Variants in NUP98 observed in about 807,000 individuals in gnomAD.
NUP98 encodes the protein nucleoporin 98 and 96 precursor, also known as nuclear pore complex protein Nup98-Nup96.
In NUP98, 26 loss-of-function variants were observed where a neutral mutation model predicts 191.9. The observed-to-expected ratio is 0.14, with a 90% confidence interval of 0.10 to 0.19. The LOEUF is 0.19. Ranked by LOEUF, NUP98 falls within the 10% of genes least tolerant of loss-of-function variation. NUP98 has a pLI of 1.00. For missense variants in NUP98, 1,941 were observed against 2,178.8 expected (o/e 0.89, Z 2.17); for synonymous variants, 808 against 778.4 (o/e 1.04, Z -0.63).
intron 1 of NUP98, among the ~76,000 whole-genome samples, chr11:3,794,555 G>T (rs777972952): frequency 1.3e-5 from 2 of 151,940 alleles, no homozygotes; most frequent in African/African-American, 4.8e-5. Flanking sequence ...TCAAACTCCT[G>T]AGCTCAGGCA....
chr11:3,793,776 G>C (rs1453129503), intron 1 of NUP98, among the ~76,000 whole-genome samples: 2 of 151,980 alleles, frequency 1.3e-5, no homozygotes, highest in South Asian at 2.1e-4. Flanking sequence ...TTCCAGATCA[G>C]CCTGGCCAAC....
intron 1 of NUP98, among the ~76,000 whole-genome samples, chr11:3,783,467 G>T (rs1266139833): frequency 1.3e-5 from 2 of 151,870 alleles, no homozygotes; most frequent in Admixed American, 6.6e-5. Flanking sequence ...GGGAGGCCAA[G>T]GCGGGTGGAT....
intron 28 of NUP98, 65 bp downstream of exon 28, chr11:3,691,282 C>A: frequency 6.3e-7 from 1 of 1,585,870 alleles, no homozygotes; most frequent in South Asian, 1.1e-5. Flanking sequence ...GGAAAGGACG[C>A]AGCAAAGGAC....
intron 2 of NUP98, 131 bp downstream of exon 2, chr11:3,781,907 ATTAT>A: frequency 1.9e-6 from 1 of 532,922 alleles, no homozygotes; most frequent in South Asian, 3.3e-5. Flanking sequence ...TCTTATCCTA[ATTAT>A]TTTTTCAAGA....
chr11:3,694,611 G>T lies in NUP98; in HGVS notation c.4167+838C>A, dbSNP rs373160483. ...AAAAATTAGCCCAGCGTGGTGGCAGGTGCCTGTAGTCTCAGCTACTCAGGA... is the reference window on the plus strand; with the variant it reads ...AAAAATTAGCCCAGCGTGGTGGCAGTTGCCTGTAGTCTCAGCTACTCAGGA... On this transcript the variant is annotated intron_variant, in intron 26 of 32. Transcript: ENST00000324932. 9.2e-5 allele frequency among the ~76,000 whole-genome samples: 14 copies of T among 152,084 alleles called. No individual in the cohort carries two copies. In the South Asian group the frequency reaches 1.7e-3, roughly 18 times the overall value.
At chr11:3,773,180 TCGC>T (rs2081588798) in intron 6 of NUP98, among the ~76,000 whole-genome samples, 1 of 151,814 alleles carries the variant, frequency 6.6e-6, no homozygotes, top group South Asian at 2.1e-4. Flanking sequence ...GGAAGAAAAA[TCGC>T]TTGAGCTCAG....
At chr11:3,740,238 C>T (rs909386892) in intron 12 of NUP98, among the ~76,000 whole-genome samples, 34 of 152,184 alleles carry the variant, frequency 2.2e-4, no homozygotes, top group African/African-American at 6.7e-4. Context: ...AAGCCAGGCG[C>T]GGTGGCTCAC....
intron 2 of NUP98, 50 bp from the exon 3 acceptor site, chr11:3,779,307 T>A: frequency 7.3e-7 from 1 of 1,361,650 alleles, no homozygotes; most frequent in Non-Finnish European, 1.1e-6. Context: ...AAAATCTACG[T>A]AAGATGACCA....
At chr11:3,714,205 C>T (rs1380512362) in intron 18 of NUP98, among the ~76,000 whole-genome samples, 5 of 152,164 alleles carry the variant, frequency 3.3e-5, no homozygotes, top group African/African-American at 9.7e-5. Context: ...GTTCTAGAGT[C>T]AGACTGCATT....
intron 18 of NUP98, among the ~76,000 whole-genome samples, chr11:3,717,456 CTATA>C (rs1056658284): frequency 5.3e-5 from 8 of 152,112 alleles, no homozygotes; most frequent in Non-Finnish European, 7.4e-5. Context: ...TTTGATGCTA[CTATA>C]TATATGAAAT....
At chr11:3,771,248 T>A (rs910210505) in intron 7 of NUP98, among the ~76,000 whole-genome samples, 7 of 152,214 alleles carry the variant, frequency 4.6e-5, no homozygotes, top group African/African-American at 1.7e-4. Context: ...TACAATCTAC[T>A]GTCAATATAG....
intron 28 of NUP98, among the ~76,000 whole-genome samples, chr11:3,686,699 T>C (rs1260637889): frequency 6.6e-6 from 1 of 152,140 alleles, no homozygotes; most frequent in Non-Finnish European, 1.5e-5. Flanking sequence ...AGAAAATAAA[T>C]AGAGCAAGGC....
chr11:3,772,754 T>G (rs560503078), intron 6 of NUP98, among the ~76,000 whole-genome samples: 24 of 149,724 alleles, frequency 1.6e-4, no homozygotes, highest in Non-Finnish European at 3.1e-4. Context: ...GCAGAGATTG[T>G]AGTGAGCTGA....
chr11:3,743,868 A>G (rs1477735780), intron 12 of NUP98, among the ~76,000 whole-genome samples: 1 of 151,414 alleles, frequency 6.6e-6, no homozygotes, highest in Non-Finnish European at 1.5e-5. Context: ...CCTGGCGAAC[A>G]TGGTGAAACC....
chr11:3,677,870 C>A (rs1375229087), intron 31 of NUP98, among the ~76,000 whole-genome samples: 1 of 152,134 alleles, frequency 6.6e-6, no homozygotes, highest in Non-Finnish European at 1.5e-5. Flanking sequence ...GGAGTTGGAA[C>A]TTTGATGAGG....
chr11:3,767,009 G>A (rs758341160), intron 8 of NUP98, among the ~76,000 whole-genome samples: 2 of 152,110 alleles, frequency 1.3e-5, no homozygotes, highest in African/African-American at 4.8e-5. Context: ...CTGTCACCTA[G>A]GCTGGAGTGC....
chr11:3,787,612 T>C (rs372860717), intron 1 of NUP98, among the ~76,000 whole-genome samples: 83 of 152,102 alleles, frequency 5.5e-4, no homozygotes, highest in Middle Eastern at 6.8e-3. Context: ...CTAAAAATCG[T>C]ATCTCCTTTT....
intron 23 of NUP98, 26 bp from the exon 24 acceptor site, chr11:3,700,865 T>C (rs779582078): frequency 5.9e-6 from 9 of 1,522,872 alleles, no homozygotes; most frequent in Admixed American, 5.3e-5. Flanking sequence ...AGGAATAGAA[T>C]AGAAAATGAA....
At chr11:3,680,512 A>G (rs2077951303) in intron 30 of NUP98, among the ~76,000 whole-genome samples, 1 of 152,082 alleles carries the variant, frequency 6.6e-6, no homozygotes, top group African/African-American at 2.4e-5. Flanking sequence ...TTTAATGTTG[A>G]TATTTTGACC....
Sources: allele counts gnomAD v4.1 joint callset (sites outside exome capture counted in the v4.1 genomes callset), GRCh38; gene constraint gnomAD v4.1.1; transcripts MANE v1.5; gene names NCBI Gene and HGNC (gene_info 2026-07-23, HGNC 2026-07-21).